Variants in ESR1 observed in about 807,000 individuals in gnomAD.
ESR1 encodes the protein estrogen receptor 1, also known as estrogen receptor.
ESR1 carries 12 observed loss-of-function variants against 52.7 expected under a neutral mutation model. The observed-to-expected ratio is 0.23, with a 90% CI of 0.15 to 0.37. ESR1 has a LOEUF of 0.37. ESR1 is among the 10% of genes least tolerant of loss of function. The probability of loss-of-function intolerance (pLI) is 1.00; values close to 1 mark genes in which losing one functional copy is unlikely to be tolerated. For missense variants in ESR1, 584 were observed against 779.7 expected (o/e 0.75, Z 2.99); for synonymous variants, 305 against 316.8 (o/e 0.96, Z 0.39).
chr6:152,032,979 T>A (rs2044868824), intron 5 of ESR1, among the ~76,000 whole-genome samples: 2 of 152,036 alleles, frequency 1.3e-5, no homozygotes, highest in South Asian at 4.2e-4. Flanking sequence ...CCCTCAGAAA[T>A]AATGCCATGT....
intron 4 of ESR1, among the ~76,000 whole-genome samples, chr6:151,979,692 AAAT>A (rs1458396435): frequency 1.3e-5 from 2 of 152,226 alleles, no homozygotes; most frequent in African/African-American, 4.8e-5. Context: ...AAGTTCTTGA[AAAT>A]AATCTCTTCT....
At chr6:151,897,960 GTT>G (rs1795810782) in intron 3 of ESR1, among the ~76,000 whole-genome samples, 1 of 152,136 alleles carries the variant, frequency 6.6e-6, no homozygotes, top group African/African-American at 2.4e-5. Context: ...AAGAAGCTTA[GTT>G]TTGCTGGATA....
chr6:152,048,202 C>G (rs1287284781), intron 5 of ESR1, among the ~76,000 whole-genome samples: 1 of 151,590 alleles, frequency 6.6e-6, no homozygotes, highest in Non-Finnish European at 1.5e-5. Flanking sequence ...AACCCCGTCT[C>G]TATTAAAAAT....
At chr6:151,729,732 C>T (rs2128037843) in intron 2 of ESR1, among the ~76,000 whole-genome samples, 1 of 152,086 alleles carries the variant, frequency 6.6e-6, no homozygotes, top group Non-Finnish European at 1.5e-5. Flanking sequence ...AGTAATTTGC[C>T]CAAGGTTATA....
At chr6:151,956,863 A>AAT (rs148869477) in intron 4 of ESR1, among the ~76,000 whole-genome samples, 2,475 of 53,754 alleles carry the variant, frequency 0.046, 53 homozygotes, top group East Asian at 0.17. Flanking sequence ...TATATATATA[A>AAT]ATATATATAT....
In ESR1 at chr6:151,912,258, T is replaced by G. The variant is rs546271252; in HGVS notation, c.760+31487T>G. 5.9e-5 allele frequency among the ~76,000 whole-genome samples: 9 copies of G among 152,322 alleles called. No individual in the cohort carries two copies. The East Asian group carries it at 1.7e-3, about 29-fold the overall frequency. ...CTTACATTATGTTTGGAGCATAGTT[T>G]TTGAATTTCTTAATTTTCAAATTCG... On this transcript the variant is annotated intron_variant, in intron 3 of 7. Coordinates refer to ENST00000206249, the MANE Select transcript of ESR1 (RefSeq NM_000125.4).
intron 3 of ESR1, among the ~76,000 whole-genome samples, chr6:151,924,658 T>A (rs756052059): frequency 3.3e-5 from 5 of 152,140 alleles, no homozygotes; most frequent in Non-Finnish European, 7.4e-5. Flanking sequence ...TCATTATTTA[T>A]CTCTCACTTA....
chr6:152,111,468 G>A (rs1156277552), intron 6 of ESR1, among the ~76,000 whole-genome samples: 2 of 152,176 alleles, frequency 1.3e-5, no homozygotes, highest in Admixed American at 6.5e-5. Context: ...GCCTTTCTGC[G>A]GACCTGCAAC....
chr6:151,901,477 T>C (rs1467181336), intron 3 of ESR1, among the ~76,000 whole-genome samples: 1 of 152,168 alleles, frequency 6.6e-6, no homozygotes, highest in African/African-American at 2.4e-5. Flanking sequence ...TTGGTTGGAA[T>C]TGTTACAAAG....
intron 1 of ESR1, among the ~76,000 whole-genome samples, chr6:151,697,612 T>A (rs940799036): frequency 2.6e-5 from 4 of 152,264 alleles, no homozygotes; most frequent in African/African-American, 9.6e-5. Flanking sequence ...GAGATTAGGA[T>A]TCAGACCATT....
rs1294056879 is a variant in ESR1, at chr6:151,857,480, C to T, written c.643+14693C>T. 1.9e-4 allele frequency among the ~76,000 whole-genome samples: 29 copies of T among 150,592 alleles called. No homozygotes were observed. In the Admixed American group the frequency reaches 1.9e-3, roughly 10 times the overall value. On this transcript the variant is annotated intron_variant, in intron 2 of 7. Coordinates refer to ENST00000206249, the MANE Select transcript of ESR1 (RefSeq NM_000125.4). ...TCATAAACACACCCACACACACAAA[C>T]ACACCCACCCACCCACACACACACA... is the stretch of plus-strand genomic sequence containing the variant.
intron 5 of ESR1, among the ~76,000 whole-genome samples, chr6:152,055,488 CTTTGT>C (rs1432237704): frequency 1.3e-5 from 2 of 152,096 alleles, no homozygotes; most frequent in Non-Finnish European, 2.9e-5. Context: ...GACTGAGTTA[CTTTGT>C]AAACAAAGAA....
At chr6:152,045,989 G>A (rs1310947908) in intron 5 of ESR1, among the ~76,000 whole-genome samples, 1 of 151,430 alleles carries the variant, frequency 6.6e-6, no homozygotes, top group Non-Finnish European at 1.5e-5. Context: ...TAACACCTGA[G>A]ATCTAGGCCA....
chr6:152,003,541 T>C (rs1180600518), intron 4 of ESR1, among the ~76,000 whole-genome samples: 2 of 151,940 alleles, frequency 1.3e-5, no homozygotes, highest in African/African-American at 4.8e-5. Flanking sequence ...CTTTTGAACA[T>C]TTTAACACCT....
chr6:152,117,911 G>A (rs1272969154), intron 6 of ESR1, among the ~76,000 whole-genome samples: 1 of 152,192 alleles, frequency 6.6e-6, no homozygotes, highest in Admixed American at 6.5e-5. Context: ...CTTTAGGTAT[G>A]ACAATCAGCC....
intron 2 of ESR1, among the ~76,000 whole-genome samples, chr6:151,764,025 G>A (rs1784852663): frequency 1.3e-5 from 2 of 152,104 alleles, no homozygotes; most frequent in Admixed American, 6.5e-5. Flanking sequence ...AGGGAAACAG[G>A]CAGTTCCCTG....
At chr6:151,693,231 T>A (rs549856392) in intron 1 of ESR1, among the ~76,000 whole-genome samples, 1 of 152,350 alleles carries the variant, frequency 6.6e-6, no homozygotes, top group African/African-American at 2.4e-5. Context: ...CAGTGCCTGG[T>A]ACTCAATACA....
chr6:152,034,872 T>C (rs2045142064), intron 5 of ESR1, among the ~76,000 whole-genome samples: 1 of 152,234 alleles, frequency 6.6e-6, no homozygotes, highest in Admixed American at 6.5e-5. Context: ...GACTCTGAAC[T>C]ATCACATGGA....
At chr6:152,080,243 G>A (rs187677567) in intron 6 of ESR1, among the ~76,000 whole-genome samples, 2 of 152,262 alleles carry the variant, frequency 1.3e-5, no homozygotes, top group East Asian at 3.9e-4. Context: ...CAGCCAGAGA[G>A]AAAAGTCGGG....
Sources: gnomAD v4.1 joint callset for allele counts (sites outside exome capture counted in the v4.1 genomes callset) on GRCh38, gnomAD v4.1.1 for gene constraint, MANE v1.5 for transcripts, NCBI Gene and HGNC (gene_info 2026-07-23, HGNC 2026-07-21) for gene names.